The following SCT variants were observed in gnomAD, a reference collection of about 807,000 sequenced individuals.
The protein encoded by SCT is secretin, also known as prepro-secretin.
SCT carries 17 observed loss-of-function variants against 10.9 expected under a neutral mutation model. The ratio of observed to expected loss-of-function variants is 1.55; its 90% CI spans 1.06 to 2.33. SCT has a LOEUF of 2.33. Among genes scored for constraint, SCT ranks in the 30% most tolerant of loss-of-function variants. The pLI, the probability that SCT is intolerant of heterozygous loss-of-function variation, is 0.00. For missense variants in SCT, 230 were observed against 165.9 expected, an observed-to-expected ratio of 1.39 and a Z score of -2.12; for synonymous variants, 96 against 73.9, an observed-to-expected ratio of 1.30 and a Z score of -1.54.
Position 626,314 on chromosome 11 carries a change from G to A in SCT, c.*117C>T, listed in dbSNP as rs1268317188. The stretch of plus-strand genomic sequence containing the variant: ...GACACAGACAACTCCCAGCGTCTGG[G>A]TCTGATTCCTCCTTTATTGGTGCCA... On this transcript the variant is annotated 3_prime_UTR_variant, in exon 4 of 4. Coordinates refer to ENST00000176195, the MANE Select transcript of SCT (RefSeq NM_021920.4). 24 of 735,092 alleles carry A rather than the reference G, an allele frequency of 3.3e-5. No individual in the cohort carries two copies. The Admixed American group carries it at 5.0e-4, about 15-fold the overall frequency. 45.5% of individuals were successfully genotyped at this position (735,092 alleles called of 1,614,324 possible).
At position 626,982 on chromosome 11, in the gene SCT, G is replaced by A. The variant is rs1377704086; in HGVS notation, c.79C>T (p.Arg27Ter). 4.6e-6 allele frequency: 7 copies of A among 1,518,044 alleles called. No individual in the cohort carries two copies. In the East Asian group the frequency reaches 1.3e-4, roughly 27 times the overall value. 94.0% of individuals were successfully genotyped at this position (1,518,044 alleles called of 1,614,324 possible). ...CTGGTGAACGTCCCGTCTGAGTGTC[G>A]CCGGGCCCTGCGGGCGGTCGGGGGT... Reference protein sequence around the residue: ...AARPAPPRARRHSDGTFTSEL... With the variant: ...AARPAPPRAR The change falls in exon 2 of 4, where the codon CGA becomes TGA. Residue 27 changes from arginine to a stop codon, truncating the protein, a stop_gained. Transcript: ENST00000176195. LOFTEE classifies it high-confidence loss of function.
At chr11:626,666 G>A (rs1279213725) in intron 3 of SCT, 31 bp downstream of exon 3, 2 of 1,519,022 alleles carry the variant, frequency 1.3e-6, no homozygotes, top group Middle Eastern at 2.0e-4. Flanking sequence ...GTGGGGTCTG[G>A]AGTGGGGTCT....
In SCT at chr11:626,541, A is replaced by G. The variant is rs1234031885; in HGVS notation, c.267-11T>C. 4.5e-6 allele frequency: 7 copies of G among 1,550,782 alleles called. No homozygotes were observed. Among genetic ancestry groups the G allele is most frequent in the East Asian group, 2.4e-5 (1 of 41,294 alleles). The stretch of plus-strand genomic sequence containing the variant: ...CCGTCCAGGGGCATCCTGCAGAGAC[A>G]GCACGTGAGGGTCTGAGGGCTGGGG... On this transcript the variant is annotated splice_polypyrimidine_tract_variant and intron_variant, in intron 3 of 3. Coordinates refer to ENST00000176195, the MANE Select transcript of SCT (RefSeq NM_021920.4).
chr11:627,104 C>G lies in SCT; in HGVS notation c.40G>C (p.Gly14Arg), dbSNP rs1589951544. 7 of 1,095,586 alleles carry G rather than the reference C, an allele frequency of 6.4e-6. No homozygotes were observed. Among genetic ancestry groups the G allele is most frequent in the South Asian group, 8.8e-5 (2 of 22,770 alleles). The allele number at this position is 1,095,586 out of a possible 1,614,324, so 67.9% of individuals were successfully genotyped here. ...RPLLLLLLLL[G>R]GSAARPAPPR... ...GGCGCGGGGCGCGCGGCGGAGCCCC[C>G]GAGGAGCAGCAGCAGCAGCAGGAGG... Residue 14 changes from glycine to arginine, a missense_variant, in exon 1 of 4, where the codon GGG (glycine) becomes CGG (arginine). Physicochemically the swap from Gly to Arg is moderately radical, Grantham distance 125. Transcript: ENST00000176195.
Position 626,740 on chromosome 11 carries a change from G to A in SCT, c.223C>T (p.Leu75=), listed in dbSNP as rs762498659. The change falls in exon 3 of 4, where the codon CTG becomes TTG. Residue 75 remains leucine (L), a synonymous_variant. Transcript: ENST00000176195. ...SMAWTRLSAG[L]LCPSGSNMPI... is the part of the protein sequence containing the mutation. ...ATGTTGGACCCTGACGGGCAGAGCA[G>A]ACCCGCGCTGAGCCTGGTCCAGGCC... 7 of 1,550,450 alleles carry A rather than the reference G, an allele frequency of 4.5e-6. No individual in the cohort carries two copies. The East Asian group carries it at 7.3e-5, about 16-fold the overall frequency.
At position 626,334 on chromosome 11, in the gene SCT, G is replaced by A. The variant is rs548191294; in HGVS notation, c.*97C>T. 2.3e-6 allele frequency: 2 copies of A among 852,504 alleles called. No individual in the cohort carries two copies. The highest frequency in any genetic ancestry group is 1.7e-5 in the African/African-American group (1 of 58,920). The allele number at this position is 852,504 out of a possible 1,614,324, so 52.8% of individuals were successfully genotyped here. On this transcript the variant is annotated 3_prime_UTR_variant, in exon 4 of 4. Coordinates refer to ENST00000176195, the MANE Select transcript of SCT (RefSeq NM_021920.4). ...TCTGGGTCTGATTCCTCCTTTATTG[G>A]TGCCAAGTACCACCCCTCCCCCTCT...
chr11:626,932 G>T lies in SCT; in HGVS notation c.129C>A (p.Gly43=), dbSNP rs1229501603. Residue 43 remains glycine (G), a synonymous_variant, in exon 2 of 4, where the codon GGC becomes GGA. Transcript: ENST00000176195. ...FTSELSRLRE[G]ARLQRLLQGL... is the part of the protein sequence containing the mutation. Reference sequence around the variant, plus strand: ...CCTGTAGCAGCCGCTGGAGCCGCGCGCCCTCCCGCAGGCGGCTGAGCTCGC... The same window carrying T: ...CCTGTAGCAGCCGCTGGAGCCGCGCTCCCTCCCGCAGGCGGCTGAGCTCGC... 2 of 1,531,058 alleles carry T rather than the reference G, an allele frequency of 1.3e-6. No homozygotes were observed. Among genetic ancestry groups the T allele is most frequent in the Non-Finnish European group, 1.8e-6 (2 of 1,142,424 alleles). 94.8% of individuals were successfully genotyped at this position (1,531,058 alleles called of 1,614,324 possible).
Position 626,419 on chromosome 11 carries a change from G to A in SCT, c.*12C>T. On this transcript the variant is annotated 3_prime_UTR_variant, in exon 4 of 4. Coordinates refer to ENST00000176195, the MANE Select transcript of SCT (RefSeq NM_021920.4). Reference sequence around the variant, plus strand: ...GCTCCTGGGCCGGGCAGGTGGTGAGGGGGTTCCTTCCTCATCTGGGCCGCA... The same window carrying A: ...GCTCCTGGGCCGGGCAGGTGGTGAGAGGGTTCCTTCCTCATCTGGGCCGCA... 1 of 1,548,482 alleles carries A rather than the reference G, an allele frequency of 6.5e-7. No homozygotes were observed. The highest frequency in any genetic ancestry group is 1.2e-5 in the South Asian group (1 of 83,942).
In SCT at chr11:626,736, A is replaced by C. The variant is rs1195011573; in HGVS notation, c.227T>G (p.Leu76Arg). Residue 76 changes from leucine (L) to arginine (R), a missense_variant, in exon 3 of 4, where the codon CTC (leucine) becomes CGC (arginine). By Grantham distance (102) the Leu-to-Arg change is moderately radical. Coordinates refer to ENST00000176195, the MANE Select transcript of SCT (RefSeq NM_021920.4). ...GGGCATGTTGGACCCTGACGGGCAG[A>C]GCAGACCCGCGCTGAGCCTGGTCCA... The part of the protein sequence containing the change: ...MAWTRLSAGL[L>R]CPSGSNMPIL... 4.5e-6 allele frequency: 7 copies of C among 1,550,288 alleles called. No homozygotes were observed. The East Asian group carries it at 7.3e-5, about 16-fold the overall frequency.
At chr11:626,848 G>A (rs1008440623) in intron 2 of SCT, 40 bp downstream of exon 2, 4 of 1,541,716 alleles carry the variant, frequency 2.6e-6, no homozygotes, top group South Asian at 2.4e-5. Context: ...CGTTGCTGCT[G>A]GGGCACCACG....
Position 626,369 on chromosome 11 carries a change from T to C in SCT, c.*62A>G. On this transcript the variant is annotated 3_prime_UTR_variant, in exon 4 of 4. Transcript: ENST00000176195. The stretch of plus-strand genomic sequence containing the variant: ...CCACCCCTCCCCCTCTCCCCCATCC[T>C]GCCCCCCACCCCAAATGCAGCTGCG... 7.8e-7 allele frequency: 1 copy of C among 1,285,300 alleles called. No individual in the cohort carries two copies. Among genetic ancestry groups the C allele is most frequent in the South Asian group, 1.3e-5 (1 of 77,734 alleles). 79.6% of individuals were successfully genotyped at this position (1,285,300 alleles called of 1,614,324 possible).
At position 626,370 on chromosome 11, in the gene SCT, GC is replaced by G. The variant is rs1857735663; in HGVS notation, c.*60del. 8.5e-6 allele frequency: 11 copies of G among 1,289,006 alleles called. No individual in the cohort carries two copies. The highest frequency in any genetic ancestry group is 2.3e-4 in the Middle Eastern group (1 of 4,374). 79.8% of individuals were successfully genotyped at this position (1,289,006 alleles called of 1,614,324 possible). A position where few individuals can be genotyped will look rare whatever the true frequency, so the allele number is the denominator to read the frequency against. On this transcript the variant is annotated 3_prime_UTR_variant, in exon 4 of 4. Transcript: ENST00000176195. Reference sequence around the variant, plus strand: ...CACCCCTCCCCCTCTCCCCCATCCTGCCCCCCACCCCAAATGCAGCTGCGCT... The same window carrying G: ...CACCCCTCCCCCTCTCCCCCATCCTGCCCCCACCCCAAATGCAGCTGCGCT...
rs960063084 is a variant in SCT, at chr11:626,918, C to T, written c.143G>A (p.Arg48Gln). Residue 48 changes from arginine (R) to glutamine (Q), a missense_variant, in exon 2 of 4, where the codon CGG (arginine) becomes CAG (glutamine). Transcript: ENST00000176195. Reference sequence around the variant, plus strand: ...CTTCCCCACCAGGCCCTGTAGCAGCCGCTGGAGCCGCGCGCCCTCCCGCAG... The same window carrying T: ...CTTCCCCACCAGGCCCTGTAGCAGCTGCTGGAGCCGCGCGCCCTCCCGCAG... ...SRLREGARLQ[R>Q]LLQGLVGKRS... 29 of 1,538,408 alleles carry T rather than the reference C, an allele frequency of 1.9e-5. No homozygotes were observed. Among genetic ancestry groups the T allele is most frequent in the African/African-American group, 2.7e-5 (2 of 72,954 alleles).
chr11:626,798 C>A lies in SCT; in HGVS notation c.174-9G>T. 1 of 1,548,894 alleles carries A rather than the reference C, an allele frequency of 6.5e-7. No individual in the cohort carries two copies. The highest frequency in any genetic ancestry group is 1.4e-5 in the African/African-American group (1 of 73,160). Reference sequence around the variant, plus strand: ...TCTCTGCGTCCTGCTCGCTGCCCCCCGCCCCAAAACAGAGTTAGTCCTGGA... The same window carrying A: ...TCTCTGCGTCCTGCTCGCTGCCCCCAGCCCCAAAACAGAGTTAGTCCTGGA... On this transcript the variant is annotated splice_polypyrimidine_tract_variant and intron_variant, in intron 2 of 3. Transcript: ENST00000176195.
At chr11:626,645 AGGGGTCTGGGGT>A (rs1857755421) in intron 3 of SCT, 40 bp downstream of exon 3, 10 of 1,480,174 alleles carry the variant, frequency 6.8e-6, no homozygotes, top group Middle Eastern at 2.1e-4. Context: ...GGACAGAAGG[AGGGGTCTGGGGT>A]GGGGTCTGGA....
Position 626,985 on chromosome 11 carries a change from G to A in SCT, c.76C>T (p.Arg26Trp). 3.9e-6 allele frequency: 6 copies of A among 1,525,456 alleles called. No homozygotes were observed. The highest frequency in any genetic ancestry group is 5.3e-6 in the Non-Finnish European group (6 of 1,142,558). The allele number at this position is 1,525,456 out of a possible 1,614,324, so 94.5% of individuals were successfully genotyped here. A position where few individuals can be genotyped will look rare whatever the true frequency, so the allele number is the denominator to read the frequency against. The change falls in exon 2 of 4, where the codon CGG becomes TGG. Residue 26 changes from arginine to tryptophan, a missense_variant. Arg to Trp is a moderately radical substitution (Grantham distance 101). Transcript: ENST00000176195. ...SAARPAPPRA[R>W]RHSDGTFTSE... is the part of the protein sequence containing the mutation. ...GTGAACGTCCCGTCTGAGTGTCGCC[G>A]GGCCCTGCGGGCGGTCGGGGGTCGG...
At position 626,956 on chromosome 11, in the gene SCT, G is replaced by T. The variant is rs1564906636; in HGVS notation, c.105C>A (p.Ser35Arg). 2.0e-6 allele frequency: 3 copies of T among 1,533,608 alleles called. No individual in the cohort carries two copies. The highest frequency in any genetic ancestry group is 2.4e-5 in the South Asian group (2 of 83,898). Residue 35 changes from serine (S) to arginine (R), a missense_variant, in exon 2 of 4, where the codon AGC becomes AGA. Ser to Arg is a moderately radical substitution (Grantham distance 110). Coordinates refer to ENST00000176195, the MANE Select transcript of SCT (RefSeq NM_021920.4). Reference sequence around the variant, plus strand: ...CGCCCTCCCGCAGGCGGCTGAGCTCGCTGGTGAACGTCCCGTCTGAGTGTC... The same window carrying T: ...CGCCCTCCCGCAGGCGGCTGAGCTCTCTGGTGAACGTCCCGTCTGAGTGTC... ...ARRHSDGTFT[S>R]ELSRLREGAR...
rs1203073969 is a variant in SCT, at chr11:626,947, G to C, written c.114C>G (p.Ser38Arg). Residue 38 changes from serine to arginine, a missense_variant, in exon 2 of 4, where the codon AGC (serine) becomes AGG (arginine). Transcript: ENST00000176195. ...HSDGTFTSEL[S>R]RLREGARLQR... is the part of the protein sequence containing the mutation. Reference sequence around the variant, plus strand: ...GGAGCCGCGCGCCCTCCCGCAGGCGGCTGAGCTCGCTGGTGAACGTCCCGT... The same window carrying C: ...GGAGCCGCGCGCCCTCCCGCAGGCGCCTGAGCTCGCTGGTGAACGTCCCGT... 6.5e-7 allele frequency: 1 copy of C among 1,534,468 alleles called. No homozygotes were observed. Among genetic ancestry groups the C allele is most frequent in the South Asian group, 1.2e-5 (1 of 83,910 alleles).
chr11:626,840 TTGC>T (rs1169845881), intron 2 of SCT, 45 bp downstream of exon 2: 1 of 1,543,558 alleles, frequency 6.5e-7, no homozygotes, highest in African/African-American at 1.4e-5. Context: ...GGGTCGCGCG[TTGC>T]TGCTGGGGCA....
Sources: allele counts gnomAD v4.1 joint callset, GRCh38; gene constraint gnomAD v4.1.1; transcripts MANE v1.5; gene names NCBI Gene and HGNC (gene_info 2026-07-23, HGNC 2026-07-21).